The following ERCC8 variants were observed in gnomAD, a reference collection of about 807,000 sequenced individuals.
The protein encoded by ERCC8 is DNA excision repair protein ERCC-8.
A neutral mutation model predicts 54.9 loss-of-function variants in ERCC8; 52 were observed. The ratio of observed to expected loss-of-function variants is 0.95; its 90% confidence interval spans 0.76 to 1.19. The LOEUF (loss-of-function observed/expected upper bound fraction) is 1.19, where lower values mean the gene tolerates loss of function less well. Ranked by LOEUF, ERCC8 falls within the 50% of genes most tolerant of loss-of-function variation. ERCC8 has a pLI of 0.00. For missense variants in ERCC8, 514 were observed against 466.1 expected, an observed-to-expected ratio of 1.10 and a Z score of -0.95; for synonymous variants, 146 against 157.2, an observed-to-expected ratio of 0.93 and a Z score of 0.53.
At chr5:60,892,077 G>T (rs1265466075) in intron 9 of ERCC8, 1 of 530,000 alleles carries the variant, frequency 1.9e-6, no homozygotes, top group Middle Eastern at 3.3e-4. Context: ...GTTGTAGGGG[G>T]TCCATCTCCA....
chr5:60,944,285 G>A (rs1299319925), intron 1 of ERCC8, among the ~76,000 whole-genome samples: 2 of 152,000 alleles, frequency 1.3e-5, no homozygotes, highest in East Asian at 1.9e-4. Flanking sequence ...ACTCTCTCCC[G>A]GACAAGTGTA....
At chr5:60,925,125 T>G (rs1451400984) in intron 2 of ERCC8, among the ~76,000 whole-genome samples, 1 of 152,172 alleles carries the variant, frequency 6.6e-6, no homozygotes, top group Admixed American at 6.5e-5. Context: ...TATGTAAAAT[T>G]AATTTTCTTA....
intron 9 of ERCC8, chr5:60,893,716 C>T (rs533446848): frequency 9.4e-6 from 4 of 423,698 alleles, no homozygotes; most frequent in Admixed American, 3.9e-5. Flanking sequence ...GCCAGCCTGG[C>T]GGCGCCCGAC....
chr5:60,887,922 C>G (rs929066601), intron 10 of ERCC8, among the ~76,000 whole-genome samples: 1 of 152,208 alleles, frequency 6.6e-6, no homozygotes, highest in Non-Finnish European at 1.5e-5. Flanking sequence ...GCCAAGTTCT[C>G]AAAAAGTTTT....
chr5:60,891,856 C>T, intron 9 of ERCC8: 1 of 412,562 alleles, frequency 2.4e-6, no homozygotes, highest in Non-Finnish European at 4.8e-6. Flanking sequence ...CAGGGAGAAC[C>T]AAACTATTTC....
chr5:60,878,649 T>G (rs1399314539), intron 11 of ERCC8, among the ~76,000 whole-genome samples: 1 of 152,238 alleles, frequency 6.6e-6, no homozygotes, highest in Non-Finnish European at 1.5e-5. Flanking sequence ...ATTTTCTAGT[T>G]TATTTGCATA....
At chr5:60,940,840 C>T (rs900205010) in intron 1 of ERCC8, among the ~76,000 whole-genome samples, 1 of 152,138 alleles carries the variant, frequency 6.6e-6, no homozygotes, top group Non-Finnish European at 1.5e-5. Flanking sequence ...TTCATAGGAT[C>T]AAAACAAGAC....
chr5:60,894,071 G>A (rs1048864770), intron 9 of ERCC8, among the ~76,000 whole-genome samples: 5 of 148,510 alleles, frequency 3.4e-5, no homozygotes, highest in Admixed American at 6.8e-5. Context: ...TGCAAGCTCC[G>A]CCTCCCGGGT....
chr5:60,867,119 A>G lies in ERCC8; in HGVS notation c.*7496T>C, dbSNP rs1747769203. Among the ~76,000 whole-genome samples, 1 of 152,180 alleles carries G rather than the reference A, an allele frequency of 6.6e-6. No homozygotes were observed. Among genetic ancestry groups the G allele is most frequent in the South Asian group, 2.1e-4 (1 of 4,834 alleles). On this transcript the variant is annotated 3_prime_UTR_variant, in exon 12 of 12. Coordinates refer to ENST00000676185, the MANE Select transcript of ERCC8 (RefSeq NM_000082.4). ...CCAAAGTGCTGGGATTATAGGCGTG[A>G]GCCACCATGCCCAGCCCTTCCTTCA...
Position 60,892,857 on chromosome 5 carries a change from CT to C in ERCC8, c.844-1772del, listed in dbSNP as rs1306060180. 6 of 694,238 alleles carry C rather than the reference CT, an allele frequency of 8.6e-6. No homozygotes were observed. In the African/African-American group the frequency reaches 1.1e-4, roughly 12 times the overall value. 43.0% of individuals were successfully genotyped at this position (694,238 alleles called of 1,614,324 possible). A position where few individuals can be genotyped will look rare whatever the true frequency, so the allele number is the denominator to read the frequency against. ...ACTGCATGCATGGCTGTGCTTCAGG[CT>C]TTTAATCAGGCTGCTTTTCCCAATA... On this transcript the variant is annotated intron_variant, in intron 9 of 11. Coordinates refer to ENST00000676185, the MANE Select transcript of ERCC8 (RefSeq NM_000082.4).
intron 1 of ERCC8, among the ~76,000 whole-genome samples, chr5:60,940,148 T>A (rs1270406936): frequency 3.9e-5 from 6 of 152,344 alleles, no homozygotes; most frequent in Non-Finnish European, 8.8e-5. Context: ...TTGTGATATT[T>A]AATTTGATAA....
chr5:60,895,169 C>CAAA (rs5868257), intron 9 of ERCC8, among the ~76,000 whole-genome samples: 2 of 90,804 alleles, frequency 2.2e-5, no homozygotes, highest in Admixed American at 1.2e-4. Context: ...GACTCTACCT[C>CAAA]AAAAAAAAAA....
In ERCC8 at chr5:60,867,795, G is replaced by C. The variant is rs1747784628; in HGVS notation, c.*6820C>G. On this transcript the variant is annotated 3_prime_UTR_variant, in exon 12 of 12. Coordinates refer to ENST00000676185, the MANE Select transcript of ERCC8 (RefSeq NM_000082.4). ...GAAGGTGTTGACAAGCTCTCATTTA[G>C]TACTGTTGCTAATCCTTGCCACAAT... Among the ~76,000 whole-genome samples, 1 of 152,220 alleles carries C rather than the reference G, an allele frequency of 6.6e-6. No individual in the cohort carries two copies. The highest frequency in any genetic ancestry group is 2.1e-4 in the South Asian group (1 of 4,832).
At chr5:60,929,191 G>T (rs1030799538) in intron 1 of ERCC8, among the ~76,000 whole-genome samples, 1 of 152,024 alleles carries the variant, frequency 6.6e-6, no homozygotes, top group Non-Finnish European at 1.5e-5. Context: ...AAATTTGTAC[G>T]AAAAAAGTTA....
At chr5:60,930,386 G>A (rs546568350) in intron 1 of ERCC8, among the ~76,000 whole-genome samples, 10 of 152,148 alleles carry the variant, frequency 6.6e-5, no homozygotes, top group South Asian at 2.1e-4. Flanking sequence ...GTGAAACCCC[G>A]TCTCTACTAA....
At chr5:60,921,813 A>T (rs1045612573) in intron 3 of ERCC8, among the ~76,000 whole-genome samples, 3 of 151,910 alleles carry the variant, frequency 2.0e-5, no homozygotes, top group Non-Finnish European at 4.4e-5. Flanking sequence ...CAAGTTTTTT[A>T]AAAATAAAAT....
chr5:60,933,661 G>C (rs1284623178), intron 1 of ERCC8, among the ~76,000 whole-genome samples: 1 of 151,988 alleles, frequency 6.6e-6, no homozygotes, highest in Non-Finnish European at 1.5e-5. Flanking sequence ...CTGAGATTTT[G>C]GGGTACCCAT....
intron 11 of ERCC8, among the ~76,000 whole-genome samples, chr5:60,877,273 G>A (rs1463234272): frequency 1.3e-5 from 2 of 152,188 alleles, no homozygotes; most frequent in Admixed American, 6.5e-5. Flanking sequence ...TGCTGTTTTG[G>A]TTACTGTAGC....
chr5:60,889,442 A>C (rs368000623), intron 10 of ERCC8, among the ~76,000 whole-genome samples: 64 of 152,292 alleles, frequency 4.2e-4, no homozygotes, highest in African/African-American at 1.5e-3. Flanking sequence ...CACAGCTGGG[A>C]CTACAGGCAT....
Sources: allele counts gnomAD v4.1 joint callset (sites outside exome capture counted in the v4.1 genomes callset), GRCh38; gene constraint gnomAD v4.1.1; transcripts MANE v1.5; gene names NCBI Gene and HGNC (gene_info 2026-07-23, HGNC 2026-07-21).